The following GPC6 variants were observed in gnomAD, a reference collection of about 807,000 sequenced individuals.
GPC6 encodes the protein glypican 6, also known as glypican-6.
GPC6 carries 14 observed loss-of-function variants against 55.2 expected under a neutral mutation model. The observed-to-expected ratio is 0.25, with a 90% CI of 0.17 to 0.40. The LOEUF (loss-of-function observed/expected upper bound fraction) is 0.40, where lower values mean the gene tolerates loss of function less well. Ranked by LOEUF, GPC6 falls within the 10% of genes least tolerant of loss-of-function variation. The probability of loss-of-function intolerance (pLI) is 1.00; values close to 1 mark genes in which losing one functional copy is unlikely to be tolerated. For missense variants in GPC6, 641 were observed against 708.5 expected, an observed-to-expected ratio of 0.90 and a Z score of 1.08; for synonymous variants, 278 against 259.6, an observed-to-expected ratio of 1.07 and a Z score of -0.68.
At chr13:94,200,401 C>A (rs1889714231) in intron 4 of GPC6, among the ~76,000 whole-genome samples, 1 of 152,180 alleles carries the variant, frequency 6.6e-6, no homozygotes, top group African/African-American at 2.4e-5. Flanking sequence ...ATTTTCAAAT[C>A]TGTTAGCAAC....
intron 1 of GPC6, among the ~76,000 whole-genome samples, chr13:93,465,949 G>A (rs1878888404): frequency 6.6e-6 from 1 of 152,134 alleles, no homozygotes. Context: ...CAGGAAACAG[G>A]AAGGTCTAAG....
At chr13:94,208,303 C>T (rs1014259897) in intron 4 of GPC6, among the ~76,000 whole-genome samples, 4 of 152,086 alleles carry the variant, frequency 2.6e-5, no homozygotes, top group Non-Finnish European at 5.9e-5. Context: ...CTGAAGTGGG[C>T]GTAAGTGCCT....
At chr13:93,505,456 CAGAGAG>C (rs374453375) in intron 1 of GPC6, among the ~76,000 whole-genome samples, 3 of 149,698 alleles carry the variant, frequency 2.0e-5, no homozygotes, top group South Asian at 2.1e-4. Context: ...CACACAGAGA[CAGAGAG>C]AGAGAGAGAG....
intron 1 of GPC6, among the ~76,000 whole-genome samples, chr13:93,488,628 C>T (rs944858899): frequency 1.3e-5 from 2 of 152,114 alleles, no homozygotes; most frequent in Non-Finnish European, 2.9e-5. Context: ...CTCTCCAGCA[C>T]CTGTTGTTTC....
Position 94,288,762 on chromosome 13 carries a change from AAT to A in GPC6, c.1008+2294_1008+2295del, listed in dbSNP as rs1256698850. Among the ~76,000 whole-genome samples the A allele has an allele frequency of 1.4e-3, 173 of 122,510 alleles. 1 individual carries two copies. The highest frequency in any genetic ancestry group is 3.1e-3 in the African/African-American group (96 of 31,336). The allele number at this position is 122,510 out of a possible 152,430, so 80.4% of individuals were successfully genotyped here. A position where few individuals can be genotyped will look rare whatever the true frequency, so the allele number is the denominator to read the frequency against. ...AAATATATATATAATATATATAATA[AAT>A]ATATATATATTTGTTATATATATAA... On this transcript the variant is annotated intron_variant, in intron 5 of 8. Coordinates refer to ENST00000377047, the MANE Select transcript of GPC6 (RefSeq NM_005708.5).
chr13:93,823,607 C>G (rs1321057865), intron 2 of GPC6, among the ~76,000 whole-genome samples: 1 of 152,118 alleles, frequency 6.6e-6, no homozygotes, highest in African/African-American at 2.4e-5. Context: ...ACTTTTGTCT[C>G]CAGTTAAAGT....
chr13:93,797,098 A>G (rs1010915161), intron 2 of GPC6, among the ~76,000 whole-genome samples: 1 of 75,308 alleles, frequency 1.3e-5, no homozygotes, highest in Non-Finnish European at 2.8e-5. Context: ...TATTTCTGTT[A>G]ATCTGGGCAT....
chr13:93,453,128 C>T (rs1021835887), intron 1 of GPC6, among the ~76,000 whole-genome samples: 36 of 152,326 alleles, frequency 2.4e-4, no homozygotes, highest in African/African-American at 7.7e-4. Flanking sequence ...GAAAACTCTT[C>T]AGCCTTGGAC....
At chr13:93,351,798 C>T (rs889019719) in intron 1 of GPC6, among the ~76,000 whole-genome samples, 5 of 152,032 alleles carry the variant, frequency 3.3e-5, no homozygotes, top group African/African-American at 9.7e-5. Context: ...TTGGAACCAC[C>T]GTTGATTACG....
intron 4 of GPC6, among the ~76,000 whole-genome samples, chr13:94,180,762 G>A (rs9524358): frequency 0.39 from 59,407 of 151,808 alleles, 11,851 homozygotes; most frequent in Middle Eastern, 0.46. Flanking sequence ...AAAATCTACA[G>A]ATTAATAGGG....
intron 6 of GPC6, among the ~76,000 whole-genome samples, chr13:94,338,608 C>A (rs2139152606): frequency 6.6e-6 from 1 of 152,330 alleles, no homozygotes; most frequent in South Asian, 2.1e-4. Context: ...GAAAACTGTA[C>A]TGGTGATGGC....
chr13:93,685,194 A>C (rs1198554560), intron 2 of GPC6, among the ~76,000 whole-genome samples: 2 of 152,228 alleles, frequency 1.3e-5, no homozygotes, highest in Non-Finnish European at 2.9e-5. Flanking sequence ...TGTGGTAGGC[A>C]GCACAAAGGC....
chr13:93,874,946 C>A (rs1370849584), intron 3 of GPC6, among the ~76,000 whole-genome samples: 1 of 151,982 alleles, frequency 6.6e-6, no homozygotes, highest in Admixed American at 6.6e-5. Context: ...TCTATCCTGA[C>A]ACACACGTCT....
intron 4 of GPC6, among the ~76,000 whole-genome samples, chr13:94,185,966 A>C (rs1032917072): frequency 2.0e-5 from 3 of 147,962 alleles, no homozygotes; most frequent in African/African-American, 5.0e-5. Flanking sequence ...AGGCTGAGGC[A>C]GGAGAATGGC....
chr13:94,209,924 C>T (rs1890025263), intron 4 of GPC6, among the ~76,000 whole-genome samples: 1 of 152,104 alleles, frequency 6.6e-6, no homozygotes, highest in African/African-American at 2.4e-5. Flanking sequence ...CAGCTCACTA[C>T]AGCCCCTCAA....
intron 1 of GPC6, among the ~76,000 whole-genome samples, chr13:93,423,506 T>G (rs982896696): frequency 4.4e-4 from 67 of 152,354 alleles, no homozygotes; most frequent in African/African-American, 1.5e-3. Flanking sequence ...ATGTTTTTGT[T>G]ATTCCACAAA....
intron 1 of GPC6, among the ~76,000 whole-genome samples, chr13:93,457,743 C>T (rs573901186): frequency 7.9e-5 from 12 of 152,074 alleles, no homozygotes; most frequent in African/African-American, 2.4e-4. Flanking sequence ...AGTAGAGAAA[C>T]GCAGTTCATC....
intron 4 of GPC6, among the ~76,000 whole-genome samples, chr13:94,267,043 A>G (rs956423747): frequency 2.6e-5 from 4 of 152,150 alleles, no homozygotes; most frequent in Non-Finnish European, 5.9e-5. Context: ...TTTTTACACT[A>G]TGATGATGTT....
intron 2 of GPC6, among the ~76,000 whole-genome samples, chr13:93,702,259 G>A (rs1048674889): frequency 2.6e-5 from 4 of 152,072 alleles, no homozygotes; most frequent in South Asian, 4.2e-4. Flanking sequence ...AACTAGGTAC[G>A]TTGTCAATAA....
Sources: gnomAD v4.1 joint callset for allele counts (sites outside exome capture counted in the v4.1 genomes callset) on GRCh38, gnomAD v4.1.1 for gene constraint, MANE v1.5 for transcripts, NCBI Gene and HGNC (gene_info 2026-07-23, HGNC 2026-07-21) for gene names.